Variants in RFX7 observed in about 807,000 individuals in gnomAD.
The protein encoded by RFX7 is regulatory factor X7.
Under a neutral mutation model 111.8 loss-of-function variants are expected in RFX7, and 26 were observed. The observed-to-expected ratio is 0.23, with a 90% CI of 0.17 to 0.32. The LOEUF (loss-of-function observed/expected upper bound fraction) is 0.32. RFX7 is among the 10% of genes least tolerant of loss of function. The probability of loss-of-function intolerance (pLI) is 1.00; values close to 1 mark genes in which losing one functional copy is unlikely to be tolerated. For synonymous variants in RFX7, 624 were observed against 624.4 expected, an observed-to-expected ratio of 1.00 and a Z score of 0.01; for missense variants, 1,573 against 1,772.9, an observed-to-expected ratio of 0.89 and a Z score of 2.02.
intron 3 of RFX7, chr15:56,160,579 G>A (rs2042709137): frequency 6.6e-6 from 1 of 151,952 alleles, no homozygotes; most frequent in Non-Finnish European, 1.5e-5. Context: ...ACTGATTCAG[G>A]AGCAGTTTCT....
chr15:56,207,994 A>G (rs1295276225), intron 2 of RFX7, among the ~76,000 whole-genome samples: 2 of 152,212 alleles, frequency 1.3e-5, no homozygotes, highest in East Asian at 3.9e-4. Flanking sequence ...GAATTACAAG[A>G]GGCTCAGAAT....
intron 5 of RFX7, among the ~76,000 whole-genome samples, chr15:56,114,441 C>CA (rs1470326627): frequency 1.4e-5 from 2 of 142,644 alleles, no homozygotes; most frequent in Non-Finnish European, 3.1e-5. Flanking sequence ...ACAACAACAA[C>CA]AAAAAAACAA....
chr15:56,107,965 A>C (rs1384866527), intron 5 of RFX7, among the ~76,000 whole-genome samples: 1 of 152,252 alleles, frequency 6.6e-6, no homozygotes, highest in East Asian at 1.9e-4. Context: ...GAAGAAATGG[A>C]AAAATTCCTG....
At chr15:56,118,909 ATTG>A (rs142042595) in intron 5 of RFX7, among the ~76,000 whole-genome samples, 4,242 of 152,196 alleles carry the variant, frequency 0.028, 189 homozygotes, top group African/African-American at 0.096. Context: ...GAGACTATAT[ATTG>A]TTGTTTTGAT....
chr15:56,218,928 T>C (rs539078166), intron 2 of RFX7, among the ~76,000 whole-genome samples: 6 of 152,180 alleles, frequency 3.9e-5, no homozygotes, highest in Non-Finnish European at 5.9e-5. Context: ...AAATGTATAT[T>C]ACAACAGTGA....
At chr15:56,197,415 C>A (rs1304753442) in intron 2 of RFX7, among the ~76,000 whole-genome samples, 1 of 152,014 alleles carries the variant, frequency 6.6e-6, no homozygotes. Context: ...TTTTAAAAAT[C>A]TTCCTTACCG....
intron 3 of RFX7, among the ~76,000 whole-genome samples, chr15:56,147,729 A>C (rs1304972297): frequency 6.6e-6 from 1 of 152,110 alleles, no homozygotes; most frequent in African/African-American, 2.4e-5. Flanking sequence ...ACCCGCCACC[A>C]GGCCCAGCCA....
At chr15:56,110,400 G>A (rs1475810868) in intron 5 of RFX7, among the ~76,000 whole-genome samples, 6 of 111,392 alleles carry the variant, frequency 5.4e-5, no homozygotes, top group East Asian at 5.5e-4. Flanking sequence ...CCGGCCAGCC[G>A]CCCCGTCCGG....
At chr15:56,098,803 T>A (rs1171723987) in intron 8 of RFX7, among the ~76,000 whole-genome samples, 1 of 152,376 alleles carries the variant, frequency 6.6e-6, no homozygotes. Context: ...ATTTAGCCCA[T>A]GAGGGGCATT....
intron 5 of RFX7, among the ~76,000 whole-genome samples, chr15:56,118,551 C>T (rs8028353): frequency 0.31 from 46,451 of 152,030 alleles, 8,045 homozygotes; most frequent in East Asian, 0.41. Flanking sequence ...CTGAATAGTA[C>T]TCCATCTTGC....
chr15:56,143,802 TA>T (rs2042433470), intron 4 of RFX7, among the ~76,000 whole-genome samples: 1 of 152,188 alleles, frequency 6.6e-6, no homozygotes. Context: ...AATAGAATGA[TA>T]AGCATAATTT....
chr15:56,201,966 G>A (rs1567044870), intron 2 of RFX7, among the ~76,000 whole-genome samples: 2 of 152,176 alleles, frequency 1.3e-5, no homozygotes, highest in Admixed American at 6.5e-5. Context: ...GGGAGGCAGA[G>A]CTTGCAGTGA....
In RFX7 at chr15:56,142,769, A is replaced by C; in HGVS notation, c.401+9T>G. The C allele has an allele frequency of 1.9e-6, 3 of 1,611,462 alleles. No individual in the cohort carries two copies. Among genetic ancestry groups the C allele is most frequent in the Non-Finnish European group, 2.5e-6 (3 of 1,178,494 alleles). ...TATATCAGCATGCCATATTACACAT[A>C]CTACTTACTTGTACTCATCATAGAC... On this transcript the variant is annotated intron_variant, in intron 5 of 9. Coordinates refer to ENST00000559447, the MANE Select transcript of RFX7 (RefSeq NM_022841.7).
chr15:56,129,299 C>T (rs1451042142), intron 5 of RFX7, among the ~76,000 whole-genome samples: 4 of 151,070 alleles, frequency 2.6e-5, no homozygotes, highest in Non-Finnish European at 4.4e-5. Flanking sequence ...CACTTGAACC[C>T]GGAAGGCAGA....
rs1039009895 is a variant in RFX7, at chr15:56,230,550, A to G, written c.161+12575T>C. Among the ~76,000 whole-genome samples, 29 of 152,270 alleles carry G rather than the reference A, an allele frequency of 1.9e-4. 1 individual carries two copies. Among genetic ancestry groups the G allele is most frequent in the African/African-American group, 6.5e-4 (27 of 41,476 alleles). On this transcript the variant is annotated intron_variant, in intron 2 of 9. Coordinates refer to ENST00000559447, the MANE Select transcript of RFX7 (RefSeq NM_022841.7). ...TGTAGAAAAAAATAAAAGTGCCTCTAAGAATGCAGTAAACAAAAAAAGATA... is the reference window on the plus strand; with the variant it reads ...TGTAGAAAAAAATAAAAGTGCCTCTGAGAATGCAGTAAACAAAAAAAGATA...
At position 56,098,889 on chromosome 15, in the gene RFX7, C is replaced by T. The variant is rs189099775; in HGVS notation, c.812-513G>A. 2.2e-3 allele frequency among the ~76,000 whole-genome samples: 328 copies of T among 152,264 alleles called. 1 individual carries two copies. Among genetic ancestry groups the T allele is most frequent in the Non-Finnish European group, 3.0e-3 (206 of 68,028 alleles). On this transcript the variant is annotated intron_variant, in intron 8 of 9. Coordinates refer to ENST00000559447, the MANE Select transcript of RFX7 (RefSeq NM_022841.7). ...TTGTATGGAGAAAACAGTTTTTAAT[C>T]CTACCAGCAATTCATGGAAATAGGC...
At position 56,221,442 on chromosome 15, in the gene RFX7, TTAAATA is replaced by T. The variant is rs1233358563; in HGVS notation, c.161+21677_161+21682del. Among the ~76,000 whole-genome samples the T allele has an allele frequency of 2.0e-5, 3 of 152,296 alleles. No individual in the cohort carries two copies. In the South Asian group the frequency reaches 6.2e-4, roughly 32 times the overall value. ...TTATATTTATTCCAAATCTTTATAT[TTAAATA>T]TAATATACACTTTAAAGTATATCTC... On this transcript the variant is annotated intron_variant, in intron 2 of 9. Coordinates refer to ENST00000559447, the MANE Select transcript of RFX7 (RefSeq NM_022841.7).
intron 2 of RFX7, among the ~76,000 whole-genome samples, chr15:56,229,353 C>A (rs2043522690): frequency 6.6e-6 from 1 of 152,074 alleles, no homozygotes; most frequent in Non-Finnish European, 1.5e-5. Context: ...GCGAGCTCCG[C>A]CTCCCAGGTT....
chr15:56,109,227 G>T (rs1183090329), intron 5 of RFX7, among the ~76,000 whole-genome samples: 1 of 152,166 alleles, frequency 6.6e-6, no homozygotes, highest in Non-Finnish European at 1.5e-5. Flanking sequence ...CGTATTTTTT[G>T]GGTGGAGACG....
Sources: allele counts gnomAD v4.1 joint callset (sites outside exome capture counted in the v4.1 genomes callset), GRCh38; gene constraint gnomAD v4.1.1; transcripts MANE v1.5; gene names NCBI Gene and HGNC (gene_info 2026-07-23, HGNC 2026-07-21).